The following SMYD3 variants were observed in gnomAD, a reference collection of about 807,000 sequenced individuals.
SMYD3 encodes the protein histone-lysine N-methyltransferase SMYD3.
A neutral mutation model predicts 57.7 loss-of-function variants in SMYD3; 36 were observed. The observed-to-expected ratio is 0.62, with a 90% CI of 0.48 to 0.82. The LOEUF (loss-of-function observed/expected upper bound fraction) is 0.82, where lower values mean the gene tolerates loss of function less well. Ranked by LOEUF, SMYD3 falls within the 40% of genes least tolerant of loss-of-function variation. The pLI is 0.00. For missense variants in SMYD3, 515 were observed against 538.8 expected (o/e 0.96, Z 0.44); for synonymous variants, 211 against 195.0 (o/e 1.08, Z -0.68).
At chr1:246,428,660 C>G (rs937614779) in intron 1 of SMYD3, among the ~76,000 whole-genome samples, 1 of 152,194 alleles carries the variant, frequency 6.6e-6, no homozygotes, top group Admixed American at 6.5e-5. Context: ...GCAATCTAGA[C>G]CAGAGCCCAT....
chr1:245,957,103 A>T (rs753585327), intron 5 of SMYD3, among the ~76,000 whole-genome samples: 19 of 152,252 alleles, frequency 1.2e-4, no homozygotes, highest in Non-Finnish European at 2.4e-4. Context: ...GCACCAGCCA[A>T]CTACTCTCAA....
At chr1:246,216,286 CAA>C (rs761129685) in intron 5 of SMYD3, among the ~76,000 whole-genome samples, 4 of 125,636 alleles carry the variant, frequency 3.2e-5, no homozygotes, top group East Asian at 2.3e-4. Context: ...GACTCCATTT[CAA>C]AAAAAAAAAA....
intron 5 of SMYD3, among the ~76,000 whole-genome samples, chr1:246,102,542 T>G (rs2061033525): frequency 6.6e-6 from 1 of 152,146 alleles, no homozygotes; most frequent in Non-Finnish European, 1.5e-5. Context: ...CAGCCATCTC[T>G]TCCTCTAAAC....
chr1:246,248,341 G>T (rs940643258), intron 5 of SMYD3, among the ~76,000 whole-genome samples: 2 of 151,952 alleles, frequency 1.3e-5, no homozygotes, highest in Admixed American at 1.3e-4. Context: ...CTCATTTTCG[G>T]ATTTTGAAGG....
chr1:245,781,672 T>C (rs376043639), intron 10 of SMYD3, among the ~76,000 whole-genome samples: 4 of 152,154 alleles, frequency 2.6e-5, no homozygotes, highest in Non-Finnish European at 5.9e-5. Context: ...CCAAATTCCA[T>C]AGCGACCATT....
intron 10 of SMYD3, among the ~76,000 whole-genome samples, chr1:245,775,654 T>C (rs2046553083): frequency 6.6e-6 from 1 of 151,028 alleles, no homozygotes; most frequent in African/African-American, 2.4e-5. Flanking sequence ...CCTCCACTAT[T>C]GTCCTATGAC....
chr1:246,005,897 C>T (rs1281663438), intron 5 of SMYD3, among the ~76,000 whole-genome samples: 1 of 152,174 alleles, frequency 6.6e-6, no homozygotes, highest in Non-Finnish European at 1.5e-5. Context: ...CAGGCCAGAA[C>T]ACACACCTCT....
intron 5 of SMYD3, among the ~76,000 whole-genome samples, chr1:245,959,729 G>A (rs980273280): frequency 6.6e-6 from 1 of 152,144 alleles, no homozygotes; most frequent in African/African-American, 2.4e-5. Context: ...AACATTCACA[G>A]AACAAAATGA....
intron 10 of SMYD3, among the ~76,000 whole-genome samples, chr1:245,843,446 TCTC>T (rs2050499625): frequency 6.6e-6 from 1 of 152,102 alleles, no homozygotes; most frequent in South Asian, 2.1e-4. Flanking sequence ...TAAAATAAAA[TCTC>T]CTGCTTTTTA....
chr1:246,208,718 C>G (rs958172601), intron 5 of SMYD3, among the ~76,000 whole-genome samples: 2 of 152,128 alleles, frequency 1.3e-5, no homozygotes, highest in African/African-American at 4.8e-5. Flanking sequence ...ACTATTTACG[C>G]AGAACCATTC....
At chr1:246,385,747 C>T (rs1284420955) in intron 1 of SMYD3, among the ~76,000 whole-genome samples, 3 of 150,282 alleles carry the variant, frequency 2.0e-5, no homozygotes, top group South Asian at 2.1e-4. Flanking sequence ...AAACAAATCA[C>T]TTTTTTAAAA....
At chr1:245,762,706 G>A (rs762548184) in intron 11 of SMYD3, among the ~76,000 whole-genome samples, 7 of 152,176 alleles carry the variant, frequency 4.6e-5, no homozygotes, top group Non-Finnish European at 7.3e-5. Flanking sequence ...GCTAGCATTC[G>A]GCGAAAATGA....
rs574731325 is a variant in SMYD3, at chr1:246,236,286, C to T, written c.531+90915G>A. ...CACAATGTTGCCGAGGCTGGCATGC[C>T]GTGGCGCAATAATAGCTCACTGCAG... On this transcript the variant is annotated intron_variant, in intron 5 of 11. Transcript: ENST00000490107. 3.9e-5 allele frequency among the ~76,000 whole-genome samples: 6 copies of T among 152,180 alleles called. No homozygotes were observed. The East Asian group carries it at 5.8e-4, about 15-fold the overall frequency.
intron 5 of SMYD3, among the ~76,000 whole-genome samples, chr1:246,213,450 T>C (rs1320335661): frequency 6.6e-6 from 1 of 152,146 alleles, no homozygotes; most frequent in Non-Finnish European, 1.5e-5. Flanking sequence ...ATAGCACATA[T>C]GATCTTTGAG....
chr1:246,052,185 A>C (rs1163211646), intron 5 of SMYD3, among the ~76,000 whole-genome samples: 1 of 152,206 alleles, frequency 6.6e-6, no homozygotes, highest in African/African-American at 2.4e-5. Context: ...CTTTTAAAGG[A>C]AGGAAAAAAC....
At chr1:246,057,633 A>T (rs1257250410) in intron 5 of SMYD3, among the ~76,000 whole-genome samples, 1 of 152,194 alleles carries the variant, frequency 6.6e-6, no homozygotes, top group South Asian at 2.1e-4. Context: ...AATAACAGGA[A>T]CTCTCGTTCA....
intron 5 of SMYD3, among the ~76,000 whole-genome samples, chr1:245,998,586 C>G (rs1025304827): frequency 1.3e-5 from 2 of 152,146 alleles, no homozygotes; most frequent in African/African-American, 4.8e-5. Flanking sequence ...ACTCCTGCAG[C>G]TGCTGTGGAA....
Position 245,842,316 on chromosome 1 carries a change from G to A in SMYD3, c.1076+16180C>T, listed in dbSNP as rs118061564. Among the ~76,000 whole-genome samples the A allele has an allele frequency of 4.6e-5, 7 of 152,308 alleles. No individual in the cohort carries two copies. In the East Asian group the frequency reaches 1.3e-3, roughly 29 times the overall value. ...TGCATATCTGAAAACTAGGCTCTTC[G>A]TGGACTTGGTGTACAGTGAACTGGC... On this transcript the variant is annotated intron_variant, in intron 10 of 11. Transcript: ENST00000490107.
At chr1:246,421,047 AC>A (rs2067136116) in intron 1 of SMYD3, among the ~76,000 whole-genome samples, 1 of 152,214 alleles carries the variant, frequency 6.6e-6, no homozygotes, top group South Asian at 2.1e-4. Flanking sequence ...TAATGTTTAC[AC>A]TGTATATTTT....
Sources: allele counts gnomAD v4.1 joint callset (sites outside exome capture counted in the v4.1 genomes callset), GRCh38; gene constraint gnomAD v4.1.1; transcripts MANE v1.5; gene names NCBI Gene and HGNC (gene_info 2026-07-23, HGNC 2026-07-21).